The following SEMA6D variants were observed in gnomAD, a reference collection of about 807,000 sequenced individuals.
The protein encoded by SEMA6D is semaphorin 6D.
In SEMA6D, 35 loss-of-function variants were observed where a neutral mutation model predicts 106.6. That is an observed-to-expected ratio of 0.33 (90% confidence interval 0.25 to 0.44). SEMA6D has a LOEUF of 0.44. Ranked by LOEUF, SEMA6D falls within the 20% of genes least tolerant of loss-of-function variation. The pLI, the probability that SEMA6D is intolerant of heterozygous loss-of-function variation, is 1.00. For synonymous variants in SEMA6D, 499 were observed against 487.7 expected (o/e 1.02, Z -0.31); for missense variants, 1,185 against 1,345.9 (o/e 0.88, Z 1.87).
rs531391042 is a variant in SEMA6D at position 47,763,168 on chromosome 15, A to G, written c.747+64A>G. On this transcript the variant is annotated intron_variant, in intron 9 of 18. Coordinates refer to ENST00000536845, the MANE Select transcript of SEMA6D (RefSeq NM_001358351.3). ...TGCATGAAATTGAGACCACTGTGAT[A>G]GAGTTAAGGATGCTCACTTGGCATG... 21 of 1,247,802 alleles carry G rather than the reference A, an allele frequency of 1.7e-5. No homozygotes were observed. The East Asian group carries it at 4.4e-4, about 26-fold the overall frequency. The allele number at this position is 1,247,802 out of a possible 1,614,324, so 77.3% of individuals were successfully genotyped here.
intron 3 of SEMA6D, among the ~76,000 whole-genome samples, chr15:47,488,687 A>G (rs1302478699): frequency 6.6e-6 from 1 of 152,122 alleles, no homozygotes; most frequent in Non-Finnish European, 1.5e-5. Flanking sequence ...AGTGGGAGGA[A>G]GAGCATCTGT....
chr15:47,220,946 A>G (rs188513113), intron 1 of SEMA6D, among the ~76,000 whole-genome samples: 1 of 152,346 alleles, frequency 6.6e-6, no homozygotes, highest in Admixed American at 6.5e-5. Flanking sequence ...GCATTCAATA[A>G]CCACAATGTT....
At chr15:47,371,615 T>C (rs2039275351) in intron 1 of SEMA6D, among the ~76,000 whole-genome samples, 1 of 152,172 alleles carries the variant, frequency 6.6e-6, no homozygotes, top group Non-Finnish European at 1.5e-5. Flanking sequence ...TATGCACTAT[T>C]TCTGTCCCTG....
chr15:47,449,361 T>G (rs569302044), intron 2 of SEMA6D, among the ~76,000 whole-genome samples: 1 of 152,128 alleles, frequency 6.6e-6, no homozygotes, highest in East Asian at 1.9e-4. Context: ...CTAGACAATG[T>G]TAGGGTGTGT....
At chr15:47,302,747 G>A (rs1462274732) in intron 1 of SEMA6D, among the ~76,000 whole-genome samples, 1 of 152,176 alleles carries the variant, frequency 6.6e-6, no homozygotes, top group African/African-American at 2.4e-5. Context: ...AGGGATGGGG[G>A]TAGCCTCTGG....
chr15:47,477,791 A>C (rs1047121080), intron 3 of SEMA6D, among the ~76,000 whole-genome samples: 1 of 152,144 alleles, frequency 6.6e-6, no homozygotes, highest in Non-Finnish European at 1.5e-5. Context: ...AAAGACAATA[A>C]CTGGATAAAT....
intron 3 of SEMA6D, among the ~76,000 whole-genome samples, chr15:47,531,698 A>G (rs1352269536): frequency 6.6e-6 from 1 of 152,196 alleles, no homozygotes; most frequent in Non-Finnish European, 1.5e-5. Flanking sequence ...CAAGGGGTCA[A>G]TGTCAGGACA....
intron 1 of SEMA6D, among the ~76,000 whole-genome samples, chr15:47,735,237 T>TTGGCAGCCCTACAGTCTTACA (rs1439146769): frequency 1.1e-4 from 16 of 152,180 alleles, no homozygotes; most frequent in Non-Finnish European, 1.8e-4. Context: ...TACCAAGTGA[T>TTGGCAGCCCTACAGTCTTACA]TGGCAGCCCT....
chr15:47,769,728 T>A lies in SEMA6D; in HGVS notation c.1934-769T>A, dbSNP rs148847666. ...TTATTAATTGTTAGATGTCTGTGGT[T>A]GCATTAAAAGGTTAAGTTTAATTTC... On this transcript the variant is annotated intron_variant, in intron 18 of 18. Coordinates refer to ENST00000536845, the MANE Select transcript of SEMA6D (RefSeq NM_001358351.3). Among the ~76,000 whole-genome samples, 17 of 152,308 alleles carry A rather than the reference T, an allele frequency of 1.1e-4. No individual in the cohort carries two copies. In the East Asian group the frequency reaches 3.3e-3, roughly 29 times the overall value.
intron 1 of SEMA6D, among the ~76,000 whole-genome samples, chr15:47,368,768 T>C (rs1257607272): frequency 1.3e-5 from 2 of 152,192 alleles, no homozygotes; most frequent in African/African-American, 4.8e-5. Flanking sequence ...TGTACCAGAG[T>C]AACAGCAAGA....
chr15:47,395,303 T>C (rs897586043), intron 1 of SEMA6D, among the ~76,000 whole-genome samples: 1 of 152,198 alleles, frequency 6.6e-6, no homozygotes, highest in Non-Finnish European at 1.5e-5. Context: ...TAAAATGTCA[T>C]TGGAAAGTTG....
chr15:47,576,262 G>T (rs1475946083), intron 3 of SEMA6D, among the ~76,000 whole-genome samples: 1 of 152,176 alleles, frequency 6.6e-6, no homozygotes, highest in Non-Finnish European at 1.5e-5. Flanking sequence ...GATTTGTTAA[G>T]AAAGACCACA....
chr15:47,491,453 A>T (rs890690870), intron 3 of SEMA6D, among the ~76,000 whole-genome samples: 1 of 151,116 alleles, frequency 6.6e-6, no homozygotes, highest in Non-Finnish European at 1.5e-5. Flanking sequence ...ATAGGCAAAA[A>T]TAAGCAATAC....
intron 4 of SEMA6D, among the ~76,000 whole-genome samples, chr15:47,619,701 T>C (rs2077065975): frequency 6.6e-6 from 1 of 152,168 alleles, no homozygotes; most frequent in Non-Finnish European, 1.5e-5. Context: ...CGCTAAAGTC[T>C]GAGAATCACT....
At chr15:47,479,022 CCTGGTCCCTCCAAT>C (rs2043076644) in intron 3 of SEMA6D, among the ~76,000 whole-genome samples, 1 of 152,020 alleles carries the variant, frequency 6.6e-6, no homozygotes, top group African/African-American at 2.4e-5. Flanking sequence ...TTGCCTCCAA[CCTGGTCCCTCCAAT>C]GACACATAGG....
At chr15:47,499,329 C>T (rs2043772235) in intron 3 of SEMA6D, among the ~76,000 whole-genome samples, 1 of 152,092 alleles carries the variant, frequency 6.6e-6, no homozygotes, top group Non-Finnish European at 1.5e-5. Flanking sequence ...TAACCAACCT[C>T]CCCTTTGCCC....
intron 2 of SEMA6D, among the ~76,000 whole-genome samples, chr15:47,435,796 A>T (rs550623904): frequency 1.1e-3 from 160 of 152,220 alleles, no homozygotes; most frequent in African/African-American, 3.7e-3. Flanking sequence ...CCCTATAGTC[A>T]TATTATTGTG....
chr15:47,636,711 G>T (rs74014034), intron 4 of SEMA6D, among the ~76,000 whole-genome samples: 2,570 of 152,248 alleles, frequency 0.017, 70 homozygotes, highest in African/African-American at 0.058. Flanking sequence ...AGTCAGCACT[G>T]TCCTAGCGTC....
chr15:47,328,357 G>A (rs1156429022), intron 1 of SEMA6D, among the ~76,000 whole-genome samples: 1 of 152,108 alleles, frequency 6.6e-6, no homozygotes, highest in Admixed American at 6.5e-5. Context: ...ACTTAAGCTT[G>A]GAACCTGTTC....
Sources: gnomAD v4.1 joint callset for allele counts (sites outside exome capture counted in the v4.1 genomes callset) on GRCh38, gnomAD v4.1.1 for gene constraint, MANE v1.5 for transcripts, NCBI Gene and HGNC (gene_info 2026-07-23, HGNC 2026-07-21) for gene names.